Variants in MRPL10 observed in about 807,000 individuals in gnomAD.
MRPL10 encodes the protein large ribosomal subunit protein uL10m.
MRPL10 carries 14 observed loss-of-function variants against 19.8 expected under a neutral mutation model. The observed-to-expected ratio is 0.71, with a 90% CI of 0.47 to 1.11. MRPL10 has a LOEUF of 1.11. MRPL10 is among the 50% of genes least tolerant of loss of function. MRPL10 has a pLI of 0.00. For synonymous variants in MRPL10, 129 were observed against 139.2 expected, an observed-to-expected ratio of 0.93 and a Z score of 0.52; for missense variants, 318 against 339.6, an observed-to-expected ratio of 0.94 and a Z score of 0.50.
At chr17:47,830,034 A>G (rs180922448) in intron 1 of MRPL10, among the ~76,000 whole-genome samples, 59 of 152,360 alleles carry the variant, frequency 3.9e-4, no homozygotes, top group Admixed American at 6.5e-4. Flanking sequence ...ACCAGGTTTC[A>G]CTATGTTACC....
At chr17:47,825,115 G>T (rs995379144) in intron 4 of MRPL10, among the ~76,000 whole-genome samples, 4 of 150,052 alleles carry the variant, frequency 2.7e-5, no homozygotes, top group African/African-American at 9.9e-5. Context: ...GATCACCTGA[G>T]GTCAGGAGTT....
chr17:47,830,353 A>G (rs2033607796), intron 1 of MRPL10, among the ~76,000 whole-genome samples: 1 of 152,208 alleles, frequency 6.6e-6, no homozygotes, highest in Non-Finnish European at 1.5e-5. Flanking sequence ...AGTCATTTCC[A>G]AGACTGGGAT....
In MRPL10 at chr17:47,824,175, T is replaced by G. The variant is rs199627928; in HGVS notation, c.*30A>C. The stretch of plus-strand genomic sequence containing the variant: ...AGCACAGCCAATAACGCAGAGTGTA[T>G]TTATGCGCAGGGCTGGCTAAACAGG... On this transcript the variant is annotated 3_prime_UTR_variant, in exon 5 of 5. Coordinates refer to ENST00000351111, the MANE Select transcript of MRPL10 (RefSeq NM_145255.4). The G allele has an allele frequency of 8.7e-5, 141 of 1,613,710 alleles. 4 individuals are homozygous for G. In the South Asian group the frequency reaches 1.5e-3, roughly 17 times the overall value.
At chr17:47,829,044 A>G (rs1369728097) in intron 1 of MRPL10, 1 of 159,144 alleles carries the variant, frequency 6.3e-6, no homozygotes, top group African/African-American at 2.4e-5. Flanking sequence ...GGGCGAGATC[A>G]CTTGAGGTCA....
intron 2 of MRPL10, 115 bp from the exon 3 acceptor site, chr17:47,827,319 G>C (rs530293442): frequency 1.2e-6 from 1 of 840,516 alleles, no homozygotes; most frequent in Non-Finnish European, 1.8e-6. Flanking sequence ...GCAAAAGATC[G>C]GGGAACAAGT....
chr17:47,824,868 G>A (rs1860103726), intron 4 of MRPL10, among the ~76,000 whole-genome samples: 1 of 151,722 alleles, frequency 6.6e-6, no homozygotes, highest in Non-Finnish European at 1.5e-5. Flanking sequence ...ACAAAAATTA[G>A]CCAGGCATGG....
At position 47,828,602 on chromosome 17, in the gene MRPL10, G is replaced by A; in HGVS notation, c.121C>T (p.His41Tyr). The A allele has an allele frequency of 6.6e-7, 1 of 1,522,804 alleles. No homozygotes were observed. The highest frequency in any genetic ancestry group is 8.7e-7 in the Non-Finnish European group (1 of 1,143,310). The allele number at this position is 1,522,804 out of a possible 1,614,324, so 94.3% of individuals were successfully genotyped here. A position where few individuals can be genotyped will look rare whatever the true frequency, so the allele number is the denominator to read the frequency against. Residue 41 changes from histidine to tyrosine, a missense_variant, in exon 2 of 5, where the codon CAC (histidine) becomes TAC (tyrosine). By Grantham distance (83) the His-to-Tyr change is moderately conservative (BLOSUM62 2). Coordinates refer to ENST00000351111, the MANE Select transcript of MRPL10 (RefSeq NM_145255.4). The stretch of plus-strand genomic sequence containing the variant: ...GCCATCAGCTTCTGCCGCTGAAAGT[G>A]CATCACACGACGGTGGCGGGTAACA... Reference protein sequence around the residue: ...KAVTRHRRVMHFQRQKLMAVT... With the variant: ...KAVTRHRRVMYFQRQKLMAVT...
At chr17:47,824,714 T>C (rs2033501286) in intron 4 of MRPL10, among the ~76,000 whole-genome samples, 2 of 152,180 alleles carry the variant, frequency 1.3e-5, no homozygotes, top group South Asian at 4.2e-4. Flanking sequence ...TAAACTTCCT[T>C]GTAAATAAGA....
In MRPL10 at chr17:47,827,197, C is replaced by A; in HGVS notation, c.230G>T (p.Gly77Val). Reference sequence around the variant, plus strand: ...CTCCCGGCGGAGAAGCCTGATGAGGCCTATCTCCTGAAGTTGGAAAGCAAT... The same window carrying A: ...CTCCCGGCGGAGAAGCCTGATGAGGACTATCTCCTGAAGTTGGAAAGCAAT... ...SPPSPPQEEI[G>V]LIRLLRREIA... is the part of the protein sequence containing the mutation. Residue 77 changes from glycine to valine, a missense_variant, in exon 3 of 5, where the codon GGC (glycine) becomes GTC (valine). Physicochemically the swap from Gly to Val is moderately radical, Grantham distance 109. Transcript: ENST00000351111. The A allele has an allele frequency of 1.2e-6, 2 of 1,605,814 alleles. No homozygotes were observed. Among genetic ancestry groups the A allele is most frequent in the Non-Finnish European group, 1.7e-6 (2 of 1,176,458 alleles).
intron 2 of MRPL10, 94 bp from the exon 3 acceptor site, chr17:47,827,298 T>C: frequency 2.8e-6 from 3 of 1,061,768 alleles, no homozygotes; most frequent in East Asian, 2.5e-5. Context: ...CTTCCAGTGA[T>C]GTCCAGATGT....
chr17:47,831,165 G>A (rs1237746513), intron 1 of MRPL10: 9 of 630,460 alleles, frequency 1.4e-5, no homozygotes, highest in Non-Finnish European at 2.3e-5. Context: ...GATTGCGACG[G>A]GGCTAAGGAG....
chr17:47,828,064 A>T (rs527736907), intron 2 of MRPL10, among the ~76,000 whole-genome samples: 11 of 151,984 alleles, frequency 7.2e-5, no homozygotes, highest in Non-Finnish European at 1.5e-4. Flanking sequence ...TTAGTCAGGC[A>T]TGGTGGTACA....
At position 47,823,890 on chromosome 17, in the gene MRPL10, G is replaced by GC; in HGVS notation, c.*314dup. The GC allele has an allele frequency of 2.6e-6, 1 of 384,166 alleles. No homozygotes were observed. The highest frequency in any genetic ancestry group is 4.8e-6 in the Non-Finnish European group (1 of 206,424). The allele number at this position is 384,166 out of a possible 1,614,324, so 23.8% of individuals were successfully genotyped here. A position where few individuals can be genotyped will look rare whatever the true frequency, so the allele number is the denominator to read the frequency against. ...GGGGGTGGGCTCAGGAGCCCGTGCA[G>GC]CAAGAGGCAGTGACCAAGGAGGCAG... On this transcript the variant is annotated 3_prime_UTR_variant, in exon 5 of 5. Coordinates refer to ENST00000351111, the MANE Select transcript of MRPL10 (RefSeq NM_145255.4).
At chr17:47,829,394 A>G (rs991630701) in intron 1 of MRPL10, 3 of 152,308 alleles carry the variant, frequency 2.0e-5, no homozygotes, top group Non-Finnish European at 2.9e-5. Context: ...GGGCCCATGT[A>G]ATCTGTCTCT....
intron 1 of MRPL10, 52 bp downstream of exon 1, chr17:47,831,408 G>C: frequency 6.5e-7 from 1 of 1,547,002 alleles, no homozygotes; most frequent in Non-Finnish European, 8.7e-7. Context: ...GGGCAGATGA[G>C]GACTAGAGAG....
intron 2 of MRPL10, 102 bp downstream of exon 2, chr17:47,828,399 G>A: frequency 1.3e-6 from 1 of 780,382 alleles, no homozygotes; most frequent in Non-Finnish European, 1.9e-6. Context: ...ATAATGACGT[G>A]CATGACAATG....
rs1313673305 is a variant in MRPL10, at chr17:47,824,310, G to A, written c.681C>T (p.Leu227=). The A allele has an allele frequency of 1.2e-6, 2 of 1,614,048 alleles. No homozygotes were observed. ...QTHSLLQHQP[L]QLTTLLDQYI... ...ACTGGTCCAACAGGGTGGTCAGCTGGAGGGGCTGGTGCTGGAGCAGGGAGT... is the reference window on the plus strand; with the variant it reads ...ACTGGTCCAACAGGGTGGTCAGCTGAAGGGGCTGGTGCTGGAGCAGGGAGT... The change falls in exon 5 of 5, where the codon CTC becomes CTT. Residue 227 remains leucine, a synonymous_variant. Transcript: ENST00000351111.
At chr17:47,831,421 G>T in intron 1 of MRPL10, 39 bp downstream of exon 1, 1 of 1,547,630 alleles carries the variant, frequency 6.5e-7, no homozygotes. Flanking sequence ...CTAGAGAGCG[G>T]CCGCAAGACA....
At position 47,824,318 on chromosome 17, in the gene MRPL10, G is replaced by C; in HGVS notation, c.673C>G (p.Gln225Glu). The C allele has an allele frequency of 6.2e-7, 1 of 1,614,110 alleles. No individual in the cohort carries two copies. Among genetic ancestry groups the C allele is most frequent in the Non-Finnish European group, 8.5e-7 (1 of 1,180,014 alleles). Reference protein sequence around the residue: ...TAQTHSLLQHQPLQLTTLLDQ... With the variant: ...TAQTHSLLQHEPLQLTTLLDQ... ...AACAGGGTGGTCAGCTGGAGGGGCT[G>C]GTGCTGGAGCAGGGAGTGGGTCTGG... The change falls in exon 5 of 5, where the codon CAG (glutamine) becomes GAG (glutamate). Residue 225 changes from glutamine to glutamate, a missense_variant. Gln to Glu is a conservative substitution (Grantham distance 29). Coordinates refer to ENST00000351111, the MANE Select transcript of MRPL10 (RefSeq NM_145255.4).
Sources: gnomAD v4.1 joint callset for allele counts (sites outside exome capture counted in the v4.1 genomes callset) on GRCh38, gnomAD v4.1.1 for gene constraint, MANE v1.5 for transcripts, NCBI Gene and HGNC (gene_info 2026-07-23, HGNC 2026-07-21) for gene names.